WDR93: variants seen among roughly 807,000 people sequenced by gnomAD.
The protein encoded by WDR93 is WD repeat domain 93, also known as WD repeat-containing protein 93.
In WDR93, 73 loss-of-function variants were observed where a neutral mutation model predicts 82.9. The observed-to-expected ratio is 0.88, with a 90% CI of 0.73 to 1.07. WDR93 has a LOEUF of 1.07. WDR93 is among the 50% of genes least tolerant of loss of function. WDR93 has a pLI of 0.00. For missense variants in WDR93, 738 were observed against 826.0 expected, an observed-to-expected ratio of 0.89 and a Z score of 1.31; for synonymous variants, 283 against 300.1, an observed-to-expected ratio of 0.94 and a Z score of 0.59.
intron 11 of WDR93, among the ~76,000 whole-genome samples, chr15:89,731,221 C>T (rs1312455956): frequency 6.6e-6 from 1 of 152,188 alleles, no homozygotes. Context: ...ACTCATTAAA[C>T]ATTAGCTGTA....
intron 14 of WDR93, among the ~76,000 whole-genome samples, chr15:89,736,822 C>T (rs1214310483): frequency 2.7e-5 from 4 of 147,722 alleles, no homozygotes; most frequent in Non-Finnish European, 4.5e-5. Flanking sequence ...AACGGAGTCT[C>T]GCTCTGCCGC....
chr15:89,720,383 C>T (rs1003825507), intron 7 of WDR93, among the ~76,000 whole-genome samples: 2 of 151,846 alleles, frequency 1.3e-5, no homozygotes, highest in African/African-American at 4.8e-5. Flanking sequence ...AGCAATTCTC[C>T]TGCCTCAGCC....
intron 16 of WDR93, 83 bp from the exon 17 acceptor site, chr15:89,743,208 CA>C: frequency 7.5e-7 from 1 of 1,337,918 alleles, no homozygotes; most frequent in Non-Finnish European, 1.1e-6. Flanking sequence ...CATAGGAGCA[CA>C]GGGTAGTCGA....
intron 1 of WDR93, among the ~76,000 whole-genome samples, chr15:89,697,166 T>TTG (rs1965221674): frequency 6.6e-6 from 1 of 151,670 alleles, no homozygotes; most frequent in Admixed American, 6.6e-5. Flanking sequence ...ACTGTGTTGC[T>TTG]TAGACTGGTG....
intron 1 of WDR93, among the ~76,000 whole-genome samples, chr15:89,697,742 C>G (rs1271691785): frequency 6.6e-6 from 1 of 152,124 alleles, no homozygotes; most frequent in African/African-American, 2.4e-5. Context: ...GTATTGAAAT[C>G]TCTGACTATA....
At chr15:89,702,885 A>AAGCT in intron 2 of WDR93, 65 bp from the exon 3 acceptor site, 1 of 1,520,996 alleles carries the variant, frequency 6.6e-7, no homozygotes, top group Admixed American at 1.9e-5. Context: ...TGTCTCTGAG[A>AAGCT]AGCTAACTCA....
chr15:89,715,100 G>A lies in WDR93; in HGVS notation c.756+5G>A. ...AAAGTCAGACAGCCGCAACTGGTAG[G>A]AAATATCTCTGCTTTCAGCTGATAT... On this transcript the variant is annotated splice_donor_5th_base_variant and intron_variant, in intron 6 of 16. Transcript: ENST00000268130. The A allele has an allele frequency of 6.2e-7, 1 of 1,612,108 alleles. No homozygotes were observed. Among genetic ancestry groups the A allele is most frequent in the Non-Finnish European group, 8.5e-7 (1 of 1,179,068 alleles).
chr15:89,727,945 G>A (rs1416459866), intron 9 of WDR93, among the ~76,000 whole-genome samples: 1 of 152,052 alleles, frequency 6.6e-6, no homozygotes, highest in African/African-American at 2.4e-5. Flanking sequence ...GCCGGGCATG[G>A]TGGCGGGCAC....
chr15:89,728,926 C>A, intron 9 of WDR93, 97 bp from the exon 10 acceptor site: 1 of 1,069,396 alleles, frequency 9.4e-7, no homozygotes, highest in Non-Finnish European at 1.5e-6. Context: ...AAGGTCCATT[C>A]TAACTATCTA....
intron 4 of WDR93, among the ~76,000 whole-genome samples, chr15:89,705,950 T>A (rs930048038): frequency 2.0e-5 from 3 of 152,214 alleles, no homozygotes; most frequent in East Asian, 1.9e-4. Context: ...CCCTTGCCCA[T>A]GCTGTTCCTT....
chr15:89,728,457 G>A (rs1433148361), intron 9 of WDR93, among the ~76,000 whole-genome samples: 1 of 152,190 alleles, frequency 6.6e-6, no homozygotes, highest in East Asian at 1.9e-4. Context: ...CCTGACAACA[G>A]CTTCCTGTTA....
At chr15:89,718,293 G>C (rs1480007589) in intron 7 of WDR93, among the ~76,000 whole-genome samples, 1 of 152,174 alleles carries the variant, frequency 6.6e-6, no homozygotes, top group Non-Finnish European at 1.5e-5. Context: ...GACCAACATG[G>C]TGAAACCCCA....
chr15:89,717,025 C>G (rs57062914), intron 7 of WDR93, 76 bp downstream of exon 7: 3 of 384,028 alleles, frequency 7.8e-6, no homozygotes, highest in Non-Finnish European at 1.3e-5. Flanking sequence ...TATTATTTTT[C>G]TTTTCTTTTC....
intron 4 of WDR93, among the ~76,000 whole-genome samples, 167 bp from the exon 5 acceptor site, chr15:89,711,859 G>T (rs1168080671): frequency 6.6e-6 from 1 of 152,180 alleles, no homozygotes; most frequent in Non-Finnish European, 1.5e-5. Context: ...ATATCATCTT[G>T]TCCAATTCTT....
chr15:89,740,060 C>A (rs1037199420), intron 16 of WDR93, among the ~76,000 whole-genome samples: 3 of 152,216 alleles, frequency 2.0e-5, no homozygotes, highest in Non-Finnish European at 4.4e-5. Context: ...AGATGCCAGG[C>A]TGTGTTCTGA....
Position 89,715,093 on chromosome 15 carries a change from C to T in WDR93, c.754C>T (p.Leu252=), listed in dbSNP as rs201614814. The T allele has an allele frequency of 1.1e-4, 185 of 1,613,018 alleles. No individual in the cohort carries two copies. The highest frequency in any genetic ancestry group is 1.5e-4 in the Non-Finnish European group (177 of 1,179,602). The change falls in exon 6 of 17, where the codon CTG becomes TTG. Residue 252 remains leucine (L), a splice_region_variant and synonymous_variant. Transcript: ENST00000268130. ...NPKKKVRQPQ[L]NSLGPISADP... ...AAAGAAAAAAGTCAGACAGCCGCAA[C>T]TGGTAGGAAATATCTCTGCTTTCAG...
At chr15:89,729,497 A>C (rs1966842490) in intron 10 of WDR93, among the ~76,000 whole-genome samples, 186 bp from the exon 11 acceptor site, 1 of 152,132 alleles carries the variant, frequency 6.6e-6, no homozygotes, top group South Asian at 2.1e-4. Flanking sequence ...AACAGCCCTC[A>C]TGGGGCTGCC....
At chr15:89,722,756 C>T (rs1006287658) in intron 8 of WDR93, among the ~76,000 whole-genome samples, 2 of 151,866 alleles carry the variant, frequency 1.3e-5, no homozygotes, top group South Asian at 2.1e-4. Context: ...CTATTGTAGG[C>T]GGCAAATACA....
At chr15:89,731,991 T>A (rs1177235205) in intron 12 of WDR93, among the ~76,000 whole-genome samples, 1 of 152,172 alleles carries the variant, frequency 6.6e-6, no homozygotes, top group Non-Finnish European at 1.5e-5. Flanking sequence ...TCTATTGTAT[T>A]AGAGCTAAGA....
Sources: allele counts gnomAD v4.1 joint callset (sites outside exome capture counted in the v4.1 genomes callset), GRCh38; gene constraint gnomAD v4.1.1; transcripts MANE v1.5; gene names NCBI Gene and HGNC (gene_info 2026-07-23, HGNC 2026-07-21).